The following PPFIBP1 variants were observed in gnomAD, a reference collection of about 807,000 sequenced individuals.
PPFIBP1 encodes the protein PPFIB scaffold protein 1.
Under a neutral mutation model 137.8 loss-of-function variants are expected in PPFIBP1, and 112 were observed. The ratio of observed to expected loss-of-function variants is 0.81; its 90% CI spans 0.70 to 0.95. The LOEUF (loss-of-function observed/expected upper bound fraction) is 0.95. Among genes scored for constraint, PPFIBP1 ranks in the 40% least tolerant of loss-of-function variants. PPFIBP1 has a pLI of 0.00. For missense variants in PPFIBP1, 1,083 were observed against 1,196.6 expected, an observed-to-expected ratio of 0.91 and a Z score of 1.40; for synonymous variants, 378 against 417.3, an observed-to-expected ratio of 0.91 and a Z score of 1.15.
intron 1 of PPFIBP1, among the ~76,000 whole-genome samples, chr12:27,550,779 G>T (rs1320825634): frequency 6.6e-6 from 1 of 152,026 alleles, no homozygotes; most frequent in African/African-American, 2.4e-5. Context: ...AAAGTTTGTG[G>T]TTTTTTCCCT....
chr12:27,565,298 G>A (rs902318667), intron 1 of PPFIBP1, among the ~76,000 whole-genome samples: 3 of 152,190 alleles, frequency 2.0e-5, no homozygotes, highest in Admixed American at 6.5e-5. Flanking sequence ...ATTGGAGTCC[G>A]GGGAAAGCTG....
intron 1 of PPFIBP1, among the ~76,000 whole-genome samples, chr12:27,537,501 C>G (rs926083938): frequency 3.9e-5 from 6 of 152,112 alleles, no homozygotes; most frequent in Non-Finnish European, 8.8e-5. Flanking sequence ...GGCCACCCTG[C>G]CTACTCCAAA....
chr12:27,679,404 C>A (rs546194069), intron 19 of PPFIBP1, 85 bp from the exon 20 acceptor site: 10 of 1,333,154 alleles, frequency 7.5e-6, no homozygotes, highest in Non-Finnish European at 3.1e-6. Context: ...CAGAAGAATT[C>A]TTAACAGTTC....
intron 1 of PPFIBP1, among the ~76,000 whole-genome samples, chr12:27,541,308 T>G (rs1336751930): frequency 6.6e-6 from 1 of 152,014 alleles, no homozygotes; most frequent in African/African-American, 2.4e-5. Flanking sequence ...GGAGGCTGTT[T>G]TTGGGCCGAG....
chr12:27,592,833 C>T, intron 2 of PPFIBP1: 1 of 603,280 alleles, frequency 1.7e-6, no homozygotes, highest in South Asian at 2.0e-5. Context: ...GAACTCACAT[C>T]CTTTTAGCAA....
chr12:27,670,607 T>G (rs1477770923), intron 13 of PPFIBP1, among the ~76,000 whole-genome samples: 1 of 151,848 alleles, frequency 6.6e-6, no homozygotes, highest in Non-Finnish European at 1.5e-5. Context: ...GAAACCGTGT[T>G]TCTACAAAAA....
intron 2 of PPFIBP1, among the ~76,000 whole-genome samples, chr12:27,604,725 C>T (rs1172090463): frequency 6.6e-6 from 1 of 152,204 alleles, no homozygotes; most frequent in African/African-American, 2.4e-5. Flanking sequence ...GTGTACATCT[C>T]CTCTAGGAAG....
intron 2 of PPFIBP1, among the ~76,000 whole-genome samples, chr12:27,602,836 A>G (rs142933550): frequency 2.9e-4 from 44 of 152,306 alleles, no homozygotes; most frequent in African/African-American, 1.1e-3. Flanking sequence ...AGACAATATG[A>G]CTGCCTGTGT....
intron 2 of PPFIBP1, among the ~76,000 whole-genome samples, chr12:27,632,647 A>T (rs950413717): frequency 3.9e-5 from 6 of 152,202 alleles, no homozygotes; most frequent in Non-Finnish European, 8.8e-5. Context: ...TAGAAACTGA[A>T]CTTCGCTATA....
At chr12:27,663,265 CA>C (rs1357086863) in intron 11 of PPFIBP1, among the ~76,000 whole-genome samples, 1 of 152,084 alleles carries the variant, frequency 6.6e-6, no homozygotes, top group Non-Finnish European at 1.5e-5. Context: ...TCTCTTTGGC[CA>C]AAGCCAGCCA....
At chr12:27,667,417 C>G in intron 13 of PPFIBP1, 97 bp downstream of exon 13, 1 of 1,133,322 alleles carries the variant, frequency 8.8e-7, no homozygotes, top group Non-Finnish European at 1.2e-6. Context: ...GGGTTCCTTT[C>G]TCAGTTCCAT....
intron 4 of PPFIBP1, among the ~76,000 whole-genome samples, chr12:27,644,087 G>T (rs3829313): frequency 0.55 from 83,583 of 151,412 alleles, 23,642 homozygotes; most frequent in Non-Finnish European, 0.6. Flanking sequence ...TTGTTTGTTT[G>T]TTTTCTTAAG....
At chr12:27,677,529 G>A (rs561221714) in intron 19 of PPFIBP1, 2 of 178,336 alleles carry the variant, frequency 1.1e-5, no homozygotes, top group African/African-American at 4.7e-5. Context: ...GTTTATAGAA[G>A]ACATTGAATA....
intron 1 of PPFIBP1, among the ~76,000 whole-genome samples, chr12:27,563,181 C>A (rs2049304839): frequency 6.9e-6 from 1 of 145,430 alleles, no homozygotes; most frequent in South Asian, 2.2e-4. Context: ...GTGGCTCACA[C>A]CTTTAATCCC....
At chr12:27,645,303 G>A (rs1467875060) in intron 4 of PPFIBP1, among the ~76,000 whole-genome samples, 2 of 152,194 alleles carry the variant, frequency 1.3e-5, no homozygotes, top group African/African-American at 4.8e-5. Flanking sequence ...TAGGTTTTCT[G>A]TTCTTTGTGA....
intron 1 of PPFIBP1, among the ~76,000 whole-genome samples, chr12:27,546,896 G>C (rs1369668405): frequency 6.6e-6 from 1 of 152,124 alleles, no homozygotes; most frequent in Non-Finnish European, 1.5e-5. Flanking sequence ...CAGCTACCAG[G>C]GAGGATGAGG....
intron 7 of PPFIBP1, 25 bp downstream of exon 7, chr12:27,650,166 T>A: frequency 1.3e-6 from 1 of 770,316 alleles, no homozygotes; most frequent in South Asian, 3.2e-5. Context: ...CTCTCCTCCC[T>A]CTCTCTCTCT....
chr12:27,526,341 C>A (rs534934899), intron 1 of PPFIBP1, among the ~76,000 whole-genome samples: 61 of 152,310 alleles, frequency 4.0e-4, no homozygotes, highest in African/African-American at 1.4e-3. Context: ...AAATTTGATT[C>A]ACAGTTTGAA....
At position 27,682,010 on chromosome 12, in the gene PPFIBP1, A is replaced by G. The variant is rs140273818; in HGVS notation, c.2046+314A>G. 8.3e-3 allele frequency among the ~76,000 whole-genome samples: 1,165 copies of G among 140,140 alleles called. 11 individuals carry two copies. Among genetic ancestry groups the G allele is most frequent in the African/African-American group, 0.028 (1,031 of 37,478 alleles). The allele number at this position is 140,140 out of a possible 152,430, so 91.9% of individuals were successfully genotyped here. Reference sequence around the variant, plus strand: ...TGGCCTGTTTTTCTCAGTGTAAGATATGCAATTAACTTCACTTTGCAAAAG... The same window carrying G: ...TGGCCTGTTTTTCTCAGTGTAAGATGTGCAATTAACTTCACTTTGCAAAAG... On this transcript the variant is annotated intron_variant, in intron 22 of 29. Coordinates refer to ENST00000228425, the MANE Select transcript of PPFIBP1 (RefSeq NM_003622.4).
Sources: allele counts gnomAD v4.1 joint callset (sites outside exome capture counted in the v4.1 genomes callset), GRCh38; gene constraint gnomAD v4.1.1; transcripts MANE v1.5; gene names NCBI Gene and HGNC (gene_info 2026-07-23, HGNC 2026-07-21).